PIAS1: variants seen among roughly 807,000 people sequenced by gnomAD.
PIAS1 encodes E3 SUMO-protein ligase PIAS1.
A neutral mutation model predicts 71.3 loss-of-function variants in PIAS1; 6 were observed. That is an observed-to-expected ratio of 0.08 (90% CI 0.05 to 0.17). PIAS1 has a LOEUF of 0.17. PIAS1 is among the 10% of genes least tolerant of loss of function. The pLI, the probability that PIAS1 is intolerant of heterozygous loss-of-function variation, is 1.00. For missense variants in PIAS1, 555 were observed against 793.6 expected, an observed-to-expected ratio of 0.70 and a Z score of 3.61; for synonymous variants, 303 against 292.9, an observed-to-expected ratio of 1.03 and a Z score of -0.35.
intron 2 of PIAS1, among the ~76,000 whole-genome samples, chr15:68,112,896 C>T (rs538967813): frequency 6.6e-6 from 1 of 152,208 alleles, no homozygotes; most frequent in South Asian, 2.1e-4. Flanking sequence ...CACCCACATA[C>T]AACCAGGGAG....
At chr15:68,154,761 A>G (rs1281676347) in intron 7 of PIAS1, among the ~76,000 whole-genome samples, 1 of 152,260 alleles carries the variant, frequency 6.6e-6, no homozygotes, top group Admixed American at 6.5e-5. Context: ...GTAGGCATGC[A>G]TTGACAGATG....
intron 1 of PIAS1, among the ~76,000 whole-genome samples, chr15:68,064,896 A>G (rs866552862): frequency 1.9e-4 from 29 of 152,272 alleles, no homozygotes; most frequent in African/African-American, 6.5e-4. Context: ...ATTTATGTTA[A>G]CAAGTAATGG....
At chr15:68,057,428 G>GT (rs934492983) in intron 1 of PIAS1, 5 of 400,128 alleles carry the variant, frequency 1.2e-5, no homozygotes, top group East Asian at 8.4e-5. Flanking sequence ...AAAAATATGT[G>GT]TTTTTTTGGA....
rs569725328 is a variant in PIAS1, at chr15:68,123,166, C to T, written c.470-18780C>T. On this transcript the variant is annotated intron_variant, in intron 2 of 13. Coordinates refer to ENST00000249636, the MANE Select transcript of PIAS1 (RefSeq NM_016166.3). ...TCCTAGGCTAAAGTGGTCCTCCTGC[C>T]TTATCCTCCCAAGTAGCTAGGACCT... 1.1e-3 allele frequency among the ~76,000 whole-genome samples: 169 copies of T among 152,258 alleles called. 1 individual carries two copies. The highest frequency in any genetic ancestry group is 3.9e-3 in the African/African-American group (161 of 41,536).
intron 1 of PIAS1, among the ~76,000 whole-genome samples, chr15:68,066,349 T>C (rs1292658598): frequency 2.0e-5 from 3 of 152,094 alleles, no homozygotes; most frequent in African/African-American, 7.2e-5. Flanking sequence ...CCTCAGATCA[T>C]CCACCTGCCT....
At chr15:68,055,124 G>A (rs1055146824) in intron 1 of PIAS1, 56 of 761,652 alleles carry the variant, frequency 7.4e-5, no homozygotes, top group Non-Finnish European at 7.0e-5. Flanking sequence ...TGGGAGGGGG[G>A]GATGCAGCTA....
chr15:68,067,083 G>A (rs534011101), intron 1 of PIAS1, among the ~76,000 whole-genome samples: 17 of 151,700 alleles, frequency 1.1e-4, no homozygotes, highest in African/African-American at 4.1e-4. Flanking sequence ...TTTTAGATTT[G>A]TGCCTCACCC....
chr15:68,184,918 C>G (rs542490596), intron 13 of PIAS1: 2 of 153,474 alleles, frequency 1.3e-5, no homozygotes, highest in South Asian at 4.1e-4. Flanking sequence ...ACACACTGCC[C>G]GTGTACTACA....
chr15:68,137,624 AG>A (rs2092742771), intron 2 of PIAS1, among the ~76,000 whole-genome samples: 1 of 152,102 alleles, frequency 6.6e-6, no homozygotes, highest in South Asian at 2.1e-4. Context: ...GTACAGATTG[AG>A]TTCCAGTTCT....
At chr15:68,068,543 C>T (rs2092055674) in intron 1 of PIAS1, among the ~76,000 whole-genome samples, 1 of 152,054 alleles carries the variant, frequency 6.6e-6, no homozygotes, top group Admixed American at 6.5e-5. Flanking sequence ...ACCTCTGCCT[C>T]CTGGGTTCAA....
chr15:68,104,695 G>T (rs1421244822), intron 2 of PIAS1, among the ~76,000 whole-genome samples: 1 of 152,176 alleles, frequency 6.6e-6, no homozygotes, highest in East Asian at 1.9e-4. Context: ...AAGATATGAT[G>T]TGTTCCTAGC....
chr15:68,193,750 G>T lies in PIAS1; in HGVS notation c.*5915G>T. On this transcript the variant is annotated 3_prime_UTR_variant, in exon 14 of 14. Transcript: ENST00000249636. ...AGAGCCAGGACTGGAACCCAGGCCA[G>T]ACTCCAAACCGCAGGCTCCTTCCAT... The T allele has an allele frequency of 2.7e-6, 1 of 372,066 alleles. No individual in the cohort carries two copies. The highest frequency in any genetic ancestry group is 4.8e-5 in the East Asian group (1 of 20,798). The allele number at this position is 372,066 out of a possible 1,614,324, so 23.0% of individuals were successfully genotyped here.
At chr15:68,109,305 T>A (rs2092501339) in intron 2 of PIAS1, among the ~76,000 whole-genome samples, 2 of 152,212 alleles carry the variant, frequency 1.3e-5, no homozygotes, top group South Asian at 4.1e-4. Flanking sequence ...ACTGCCCTAT[T>A]ATTTCCATAA....
At chr15:68,080,374 C>T (rs2092217604) in intron 1 of PIAS1, among the ~76,000 whole-genome samples, 1 of 152,032 alleles carries the variant, frequency 6.6e-6, no homozygotes, top group Non-Finnish European at 1.5e-5. Flanking sequence ...ATAAGATGGA[C>T]CTGGAGAGGT....
chr15:68,058,006 C>T (rs933596661), intron 1 of PIAS1, among the ~76,000 whole-genome samples: 1 of 152,184 alleles, frequency 6.6e-6, no homozygotes, highest in Non-Finnish European at 1.5e-5. Flanking sequence ...TGGGTGTCTC[C>T]TGGTGAACTC....
At chr15:68,093,684 TA>T (rs2092351510) in intron 2 of PIAS1, among the ~76,000 whole-genome samples, 1 of 152,206 alleles carries the variant, frequency 6.6e-6, no homozygotes, top group Non-Finnish European at 1.5e-5. Context: ...GAGAGGGTTA[TA>T]ATGGGGGGAA....
intron 2 of PIAS1, among the ~76,000 whole-genome samples, chr15:68,099,766 TTC>T (rs1286216114): frequency 3.3e-5 from 5 of 152,036 alleles, no homozygotes; most frequent in South Asian, 2.1e-4. Context: ...GGTCCAGTTT[TTC>T]TCTGTCTTTG....
chr15:68,098,456 G>GGTGGAA (rs1274822494), intron 2 of PIAS1, among the ~76,000 whole-genome samples: 1 of 152,140 alleles, frequency 6.6e-6, no homozygotes, highest in Non-Finnish European at 1.5e-5. Flanking sequence ...AGGTGACAGA[G>GGTGGAA]GTGGAAGAAA....
intron 2 of PIAS1, among the ~76,000 whole-genome samples, chr15:68,122,607 T>C (rs566403892): frequency 7.2e-4 from 110 of 152,340 alleles, no homozygotes; most frequent in African/African-American, 2.4e-3. Flanking sequence ...TTATAAATCC[T>C]ATTTCTTTTA....
Sources: allele counts gnomAD v4.1 joint callset (sites outside exome capture counted in the v4.1 genomes callset), GRCh38; gene constraint gnomAD v4.1.1; transcripts MANE v1.5; gene names NCBI Gene and HGNC (gene_info 2026-07-23, HGNC 2026-07-21).